NRXN1: variants seen among roughly 807,000 people sequenced by gnomAD.
The protein encoded by NRXN1 is neurexin-1.
A neutral mutation model predicts 150.9 loss-of-function variants in NRXN1; 39 were observed. The ratio of observed to expected loss-of-function variants is 0.26; its 90% CI spans 0.20 to 0.34. The LOEUF (loss-of-function observed/expected upper bound fraction) is 0.34, where lower values mean the gene tolerates loss of function less well. Among genes scored for constraint, NRXN1 ranks in the 10% least tolerant of loss-of-function variants. The pLI, the probability that NRXN1 is intolerant of heterozygous loss-of-function variation, is 1.00. For missense variants in NRXN1, 1,815 were observed against 1,949.9 expected (o/e 0.93, Z 1.30); for synonymous variants, 924 against 757.0 (o/e 1.22, Z -3.62).
intron 17 of NRXN1, among the ~76,000 whole-genome samples, chr2:50,382,028 G>A (rs1023188709): frequency 3.9e-5 from 6 of 152,040 alleles, no homozygotes; most frequent in African/African-American, 1.4e-4. Context: ...TTCTGAAGAG[G>A]GATTCTGCAA....
chr2:50,155,878 T>G (rs1574216931), intron 18 of NRXN1, among the ~76,000 whole-genome samples: 1 of 151,346 alleles, frequency 6.6e-6, no homozygotes, highest in East Asian at 1.9e-4. Context: ...TTCTACTGTT[T>G]AAAAAAAAGT....
chr2:50,789,371 T>C (rs1249648727), intron 5 of NRXN1, among the ~76,000 whole-genome samples: 2 of 152,198 alleles, frequency 1.3e-5, no homozygotes, highest in Admixed American at 6.5e-5. Flanking sequence ...TCAAGCACAA[T>C]GTAAAGATTC....
chr2:50,367,286 G>T (rs958268842), intron 17 of NRXN1, among the ~76,000 whole-genome samples: 1 of 151,904 alleles, frequency 6.6e-6, no homozygotes, highest in Non-Finnish European at 1.5e-5. Flanking sequence ...AAAAGGAAAA[G>T]ATATCCATTT....
At chr2:50,489,574 A>G (rs960638529) in intron 15 of NRXN1, among the ~76,000 whole-genome samples, 1 of 152,062 alleles carries the variant, frequency 6.6e-6, no homozygotes, top group Admixed American at 6.5e-5. Flanking sequence ...CTCATCTGTA[A>G]AAGGAATTGG....
At chr2:49,989,973 A>G (rs181106322) in intron 21 of NRXN1, among the ~76,000 whole-genome samples, 7 of 152,204 alleles carry the variant, frequency 4.6e-5, no homozygotes, top group Non-Finnish European at 2.9e-5. Context: ...TGGGTGAACA[A>G]TATCATCTAC....
intron 18 of NRXN1, among the ~76,000 whole-genome samples, chr2:50,173,694 T>A (rs1427907436): frequency 6.6e-6 from 1 of 152,212 alleles, no homozygotes; most frequent in East Asian, 1.9e-4. Context: ...TTTATACTGC[T>A]ACTGCCTTAT....
intron 18 of NRXN1, among the ~76,000 whole-genome samples, chr2:50,118,117 A>T (rs1213497554): frequency 6.6e-6 from 1 of 152,226 alleles, no homozygotes. Flanking sequence ...TAAGATCTTA[A>T]CGTTGTACTT....
At chr2:50,189,067 C>A (rs550625293) in intron 18 of NRXN1, among the ~76,000 whole-genome samples, 24 of 152,200 alleles carry the variant, frequency 1.6e-4, no homozygotes, top group Non-Finnish European at 3.2e-4. Flanking sequence ...CACATGCACA[C>A]GTATGTTTAT....
chr2:50,391,935 T>C (rs976929833), intron 17 of NRXN1, among the ~76,000 whole-genome samples: 4 of 152,240 alleles, frequency 2.6e-5, no homozygotes, highest in Admixed American at 1.3e-4. Context: ...ATAAAAGAAA[T>C]CTTATGAACA....
In NRXN1 at chr2:50,301,251, C is replaced by A. The variant is rs533781720; in HGVS notation, c.3365-64281G>T. Among the ~76,000 whole-genome samples the A allele has an allele frequency of 3.3e-5, 5 of 152,282 alleles. No individual in the cohort carries two copies. In the East Asian group the frequency reaches 9.7e-4, roughly 29 times the overall value. On this transcript the variant is annotated intron_variant, in intron 17 of 22. Coordinates refer to ENST00000401669, the MANE Select transcript of NRXN1 (RefSeq NM_001330078.2). ...ACTATAGCCCTTACCATGTGCCAGG[C>A]AGTGTCCTGAGTGCTTTTACTATAT...
intron 21 of NRXN1, among the ~76,000 whole-genome samples, chr2:49,995,973 C>A (rs1360240437): frequency 6.6e-6 from 1 of 151,246 alleles, no homozygotes; most frequent in Non-Finnish European, 1.5e-5. Context: ...ATTCATTAAT[C>A]CTTTCAATGA....
At chr2:50,773,183 T>C (rs1404140857) in intron 5 of NRXN1, among the ~76,000 whole-genome samples, 1 of 152,104 alleles carries the variant, frequency 6.6e-6, no homozygotes, top group Non-Finnish European at 1.5e-5. Context: ...TCATCTCCAT[T>C]ATTGGTAGCA....
At chr2:50,338,849 A>G (rs2077362904) in intron 17 of NRXN1, among the ~76,000 whole-genome samples, 1 of 152,206 alleles carries the variant, frequency 6.6e-6, no homozygotes, top group South Asian at 2.1e-4. Context: ...GTCAACTCCT[A>G]GTGAAGTACT....
At chr2:50,735,801 C>G (rs17040986) in intron 5 of NRXN1, among the ~76,000 whole-genome samples, 2,058 of 152,270 alleles carry the variant, frequency 0.014, 146 homozygotes, top group Admixed American at 0.12. Context: ...GATATCTCCA[C>G]TGTTATTGAT....
intron 5 of NRXN1, among the ~76,000 whole-genome samples, chr2:50,883,127 T>C (rs17511787): frequency 0.081 from 12,284 of 151,950 alleles, 620 homozygotes; most frequent in South Asian, 0.11. Flanking sequence ...CTAACTGCTC[T>C]CTCTGAAAGT....
chr2:51,026,386 T>TA, intron 2 of NRXN1: 1 of 1,593,640 alleles, frequency 6.3e-7, no homozygotes, highest in South Asian at 1.1e-5. Context: ...GTTAGAGGCT[T>TA]TGCTGTATTT....
intron 17 of NRXN1, among the ~76,000 whole-genome samples, chr2:50,248,873 ATGG>A (rs2066759971): frequency 6.6e-6 from 1 of 151,974 alleles, no homozygotes; most frequent in African/African-American, 2.4e-5. Flanking sequence ...TGGGCTGGGT[ATGG>A]TGACTCACAC....
At chr2:50,277,652 C>T (rs938751033) in intron 17 of NRXN1, among the ~76,000 whole-genome samples, 2 of 151,952 alleles carry the variant, frequency 1.3e-5, no homozygotes, top group African/African-American at 4.8e-5. Context: ...CATAGATGAA[C>T]TATTTTAGAA....
chr2:50,222,009 G>A (rs985308807), intron 18 of NRXN1, among the ~76,000 whole-genome samples: 1 of 151,892 alleles, frequency 6.6e-6, no homozygotes, highest in Non-Finnish European at 1.5e-5. Flanking sequence ...ACGAGTCCTG[G>A]GGACTGCAGG....
Sources: allele counts gnomAD v4.1 joint callset (sites outside exome capture counted in the v4.1 genomes callset), GRCh38; gene constraint gnomAD v4.1.1; transcripts MANE v1.5; gene names NCBI Gene and HGNC (gene_info 2026-07-23, HGNC 2026-07-21).